Variants in NRG4 observed in about 807,000 individuals in gnomAD.
NRG4 encodes neuregulin 4, also known as pro-neuregulin-4, membrane-bound isoform.
In NRG4, 10 loss-of-function variants were observed where a neutral mutation model predicts 15.0. The ratio of observed to expected loss-of-function variants is 0.67; its 90% CI spans 0.41 to 1.13. NRG4 has a LOEUF of 1.13. Ranked by LOEUF, NRG4 falls within the 50% of genes most tolerant of loss-of-function variation. The probability of loss-of-function intolerance (pLI) is 0.00; values close to 1 mark genes in which losing one functional copy is unlikely to be tolerated. For synonymous variants in NRG4, 41 were observed against 50.1 expected (o/e 0.82, Z 0.77); for missense variants, 139 against 140.2 (o/e 0.99, Z 0.04).
chr15:76,036,603 T>C (rs981553806), intron 4 of NRG4, among the ~76,000 whole-genome samples: 2 of 152,208 alleles, frequency 1.3e-5, no homozygotes, highest in Admixed American at 6.5e-5. Context: ...TCTTCATCTA[T>C]ACATGAGGGC....
Position 75,943,359 on chromosome 15 carries a change from T to C in NRG4, c.*279A>G. 2.5e-6 allele frequency: 1 copy of C among 407,150 alleles called. No individual in the cohort carries two copies. Among genetic ancestry groups the C allele is most frequent in the Non-Finnish European group, 4.4e-6 (1 of 229,358 alleles). The allele number at this position is 407,150 out of a possible 1,614,324, so 25.2% of individuals were successfully genotyped here. ...TAGGTGTGTGAACATTTGCCTCTGG[T>C]TGCTTCAGCACATCAGCTTTCTGGG... On this transcript the variant is annotated 3_prime_UTR_variant, in exon 6 of 6. Transcript: ENST00000394907.
At chr15:76,049,844 C>A (rs760692581) in intron 4 of NRG4, among the ~76,000 whole-genome samples, 4 of 150,788 alleles carry the variant, frequency 2.7e-5, no homozygotes, top group Non-Finnish European at 5.9e-5. Context: ...TTCTTTAAAT[C>A]TGTCCTCCCA....
At chr15:75,993,816 G>A (rs1420829381) in intron 3 of NRG4, among the ~76,000 whole-genome samples, 1 of 151,920 alleles carries the variant, frequency 6.6e-6, no homozygotes, top group East Asian at 1.9e-4. Flanking sequence ...TATTTCAGAT[G>A]TTATTTTTTA....
At chr15:75,987,791 C>A (rs1276905171) in intron 3 of NRG4, among the ~76,000 whole-genome samples, 1 of 152,212 alleles carries the variant, frequency 6.6e-6, no homozygotes, top group Admixed American at 6.5e-5. Flanking sequence ...CAGCAAGGAG[C>A]TTTTAGGCTC....
intron 3 of NRG4, 54 bp from the exon 4 acceptor site, chr15:75,962,028 T>A (rs1185275964): frequency 1.4e-6 from 2 of 1,379,410 alleles, no homozygotes; most frequent in East Asian, 4.7e-5. Context: ...ATTAGCTAGT[T>A]TGGAAGAAAA....
In NRG4 at chr15:76,009,256, A is replaced by G. The variant is rs372541382; in HGVS notation, c.48T>C (p.Phe16=). ...EEPCGPSHKS[F]CLNGGLCYVI... is the part of the protein sequence containing the mutation. Reference sequence around the variant, plus strand: ...CATAACAAAGCCCCCCATTCAGGCAAAACGACTTGTGACTGGGACCACAGG... The same window carrying G: ...CATAACAAAGCCCCCCATTCAGGCAGAACGACTTGTGACTGGGACCACAGG... The change falls in exon 3 of 6, where the codon TTT becomes TTC. Residue 16 remains phenylalanine, a synonymous_variant. Transcript: ENST00000394907. The G allele has an allele frequency of 3.1e-6, 5 of 1,604,242 alleles. No homozygotes were observed. Among genetic ancestry groups the G allele is most frequent in the Admixed American group, 3.4e-5 (2 of 58,994 alleles).
intron 4 of NRG4, among the ~76,000 whole-genome samples, chr15:76,037,530 C>T (rs2141949160): frequency 6.6e-6 from 1 of 152,306 alleles, no homozygotes; most frequent in South Asian, 2.1e-4. Flanking sequence ...GGAGAATCAC[C>T]CATCCCAGCA....
intron 3 of NRG4, among the ~76,000 whole-genome samples, chr15:75,997,876 G>A (rs1037767454): frequency 6.6e-6 from 1 of 152,092 alleles, no homozygotes; most frequent in African/African-American, 2.4e-5. Flanking sequence ...ATACTCTACT[G>A]TCCAGAACCC....
At chr15:76,045,369 T>C (rs781151892) in intron 4 of NRG4, among the ~76,000 whole-genome samples, 20 of 150,342 alleles carry the variant, frequency 1.3e-4, no homozygotes, top group Non-Finnish European at 3.0e-5. Flanking sequence ...AATTTGGAGG[T>C]TCCTTAAAAA....
intron 4 of NRG4, among the ~76,000 whole-genome samples, chr15:76,042,322 G>GC (rs2035762089): frequency 6.6e-6 from 1 of 151,624 alleles, no homozygotes; most frequent in South Asian, 2.1e-4. Flanking sequence ...AGAATAAAGA[G>GC]CAGAGATAAA....
At chr15:75,979,113 C>G (rs768996319) in intron 3 of NRG4, among the ~76,000 whole-genome samples, 1 of 152,132 alleles carries the variant, frequency 6.6e-6, no homozygotes, top group Admixed American at 6.5e-5. Flanking sequence ...TGAGCAGAAG[C>G]TTTCTAGCCT....
At chr15:76,051,626 C>T (rs111267772) in intron 4 of NRG4, among the ~76,000 whole-genome samples, 2,732 of 147,760 alleles carry the variant, frequency 0.018, 242 homozygotes, top group African/African-American at 0.066. Flanking sequence ...TGCTGTGGCA[C>T]TATCTCGGCT....
intron 3 of NRG4, among the ~76,000 whole-genome samples, chr15:76,000,396 CA>C (rs2034369798): frequency 6.6e-6 from 1 of 152,066 alleles, no homozygotes; most frequent in South Asian, 2.1e-4. Flanking sequence ...TAAACAAATA[CA>C]TTATCAAAAA....
At chr15:76,007,861 C>T (rs990518689) in intron 3 of NRG4, among the ~76,000 whole-genome samples, 6 of 152,282 alleles carry the variant, frequency 3.9e-5, no homozygotes, top group African/African-American at 1.4e-4. Context: ...AAAGGTGACA[C>T]CTTTCTTCTT....
intron 3 of NRG4, among the ~76,000 whole-genome samples, chr15:76,001,211 T>C (rs2034401662): frequency 6.6e-6 from 1 of 152,024 alleles, no homozygotes; most frequent in African/African-American, 2.4e-5. Context: ...CAGGCTGGTC[T>C]CAAACTCCTG....
rs1448934046 is a variant in NRG4 at position 75,942,519 on chromosome 15, G to A, written c.*1119C>T. On this transcript the variant is annotated 3_prime_UTR_variant, in exon 6 of 6. Transcript: ENST00000394907. Reference sequence around the variant, plus strand: ...TAAAGTCTATTAAAATTATGTGAGAGCTTTTCATTTTGTGTACTCTGTCTC... The same window carrying A: ...TAAAGTCTATTAAAATTATGTGAGAACTTTTCATTTTGTGTACTCTGTCTC... 6.6e-6 allele frequency: 1 copy of A among 152,110 alleles called. No individual in the cohort carries two copies. The highest frequency in any genetic ancestry group is 1.5e-5 in the Non-Finnish European group (1 of 68,010). The allele number at this position is 152,110 out of a possible 1,614,324, so 9.4% of individuals were successfully genotyped here.
chr15:76,056,790 T>G (rs976395417), intron 2 of NRG4, among the ~76,000 whole-genome samples: 1 of 152,212 alleles, frequency 6.6e-6, no homozygotes, highest in Non-Finnish European at 1.5e-5. Context: ...GAACAAAAGC[T>G]TTAACTCTGC....
rs150050393 is a variant in NRG4 at position 76,028,412 on chromosome 15, T to C, written c.-57+7532A>G. Among the ~76,000 whole-genome samples, 6 of 152,128 alleles carry C rather than the reference T, an allele frequency of 3.9e-5. No individual in the cohort carries two copies. The East Asian group carries it at 1.2e-3, about 29-fold the overall frequency. ...GAGGAAATAGATGAGGTCTTGGATA[T>C]ATACAACCTACCAAGATGGAACCAA... On this transcript the variant is annotated intron_variant, in intron 5 of 8. Transcript: ENST00000563910.
At chr15:75,968,649 T>C (rs2032945497) in intron 3 of NRG4, among the ~76,000 whole-genome samples, 1 of 149,782 alleles carries the variant, frequency 6.7e-6, no homozygotes, top group Non-Finnish European at 1.5e-5. Context: ...GTGCGTAATC[T>C]CAGTTACTTG....
Sources: allele counts gnomAD v4.1 joint callset (sites outside exome capture counted in the v4.1 genomes callset), GRCh38; gene constraint gnomAD v4.1.1; transcripts MANE v1.5; gene names NCBI Gene and HGNC (gene_info 2026-07-23, HGNC 2026-07-21).